Variants in ADGRL2 observed in about 807,000 individuals in gnomAD.
ADGRL2 encodes the protein adhesion G protein-coupled receptor L2.
Under a neutral mutation model 157.4 loss-of-function variants are expected in ADGRL2, and 44 were observed. That is an observed-to-expected ratio of 0.28 (90% CI 0.22 to 0.36). The LOEUF (loss-of-function observed/expected upper bound fraction) is 0.36, where lower values mean the gene tolerates loss of function less well. Among genes scored for constraint, ADGRL2 ranks in the 10% least tolerant of loss-of-function variants. ADGRL2 has a pLI of 1.00. For missense variants in ADGRL2, 1,510 were observed against 1,768.9 expected, an observed-to-expected ratio of 0.85 and a Z score of 2.63; for synonymous variants, 585 against 624.7, an observed-to-expected ratio of 0.94 and a Z score of 0.95.
At chr1:81,923,992 C>T (rs1015121148) in intron 3 of ADGRL2, among the ~76,000 whole-genome samples, 2 of 152,152 alleles carry the variant, frequency 1.3e-5, no homozygotes, top group African/African-American at 4.8e-5. Flanking sequence ...TGCCATAAAG[C>T]AGAATGTGAT....
At chr1:81,877,691 A>G (rs2151141451) in intron 2 of ADGRL2, among the ~76,000 whole-genome samples, 1 of 97,512 alleles carries the variant, frequency 1.0e-5, no homozygotes, top group East Asian at 3.1e-4. Context: ...TGTTTGCTTT[A>G]AGAACCTTGC....
At chr1:81,523,002 G>T (rs909162045) in intron 2 of ADGRL2, among the ~76,000 whole-genome samples, 1 of 151,946 alleles carries the variant, frequency 6.6e-6, no homozygotes, top group African/African-American at 2.4e-5. Context: ...AGTGGTTGAG[G>T]CTACAATTAA....
chr1:81,970,458 G>T lies in ADGRL2; in HGVS notation c.2878G>T (p.Ala960Ser). 1.9e-6 allele frequency: 3 copies of T among 1,567,146 alleles called. No individual in the cohort carries two copies. Among genetic ancestry groups the T allele is most frequent in the African/African-American group, 1.4e-5 (1 of 71,944 alleles). Reference sequence around the variant, plus strand: ...TTCAAGGAAAAAATATTACTATGTTGCTGGTTACTTGTTTCCTGCCACAGT... The same window carrying T: ...TTCAAGGAAAAAATATTACTATGTTTCTGGTTACTTGTTTCCTGCCACAGT... ...EYSRKKYYYV[A>S]GYLFPATVVG... The change falls in exon 16 of 24, where the codon GCT (alanine) becomes TCT (serine). Residue 960 changes from alanine to serine, a missense_variant. Transcript: ENST00000686636.
intron 11 of ADGRL2, 37 bp downstream of exon 11, chr1:81,956,097 G>C (rs761231143): frequency 6.9e-7 from 1 of 1,459,476 alleles, no homozygotes; most frequent in Non-Finnish European, 9.3e-7. Context: ...TTTTGATTTA[G>C]GATATTCATA....
intron 3 of ADGRL2, among the ~76,000 whole-genome samples, chr1:81,583,214 G>A (rs1242816512): frequency 6.6e-6 from 1 of 151,990 alleles, no homozygotes; most frequent in Non-Finnish European, 1.5e-5. Flanking sequence ...AATTTGGTTT[G>A]GCAATAAATT....
At chr1:81,978,746 T>C (rs1054265295) in intron 17 of ADGRL2, among the ~76,000 whole-genome samples, 3 of 151,758 alleles carry the variant, frequency 2.0e-5, no homozygotes, top group Non-Finnish European at 3.0e-5. Context: ...TACCATTTGA[T>C]CATGTGATAT....
intron 3 of ADGRL2, among the ~76,000 whole-genome samples, chr1:81,934,647 A>AG (rs1274540031): frequency 6.6e-6 from 1 of 151,940 alleles, no homozygotes; most frequent in East Asian, 1.9e-4. Context: ...GCCTTTTGTG[A>AG]GAAGGGAAGG....
intron 1 of ADGRL2, among the ~76,000 whole-genome samples, chr1:81,758,651 C>T (rs1444459816): frequency 1.3e-5 from 2 of 152,142 alleles, no homozygotes; most frequent in Non-Finnish European, 2.9e-5. Context: ...GTTCTATCAC[C>T]TTTTCTACAA....
chr1:81,516,467 C>T (rs1254987080), intron 2 of ADGRL2, among the ~76,000 whole-genome samples: 2 of 152,198 alleles, frequency 1.3e-5, no homozygotes, highest in Admixed American at 1.3e-4. Context: ...ACACCCCCAT[C>T]ACTCCTGCAA....
At chr1:81,417,716 G>A (rs1020649463) in intron 1 of ADGRL2, among the ~76,000 whole-genome samples, 1 of 152,054 alleles carries the variant, frequency 6.6e-6, no homozygotes, top group African/African-American at 2.4e-5. Flanking sequence ...TCGAAACTTG[G>A]TTTTCTTGCT....
At chr1:81,756,341 T>C (rs572635426) in intron 1 of ADGRL2, among the ~76,000 whole-genome samples, 1 of 152,102 alleles carries the variant, frequency 6.6e-6, no homozygotes, top group South Asian at 2.1e-4. Context: ...CATTCATTCA[T>C]TATTCACTGA....
intron 2 of ADGRL2, among the ~76,000 whole-genome samples, chr1:81,452,265 A>T (rs2077715985): frequency 1.3e-5 from 2 of 152,208 alleles, no homozygotes; most frequent in Admixed American, 1.3e-4. Context: ...TATTAAAAAT[A>T]ATGTTTGATT....
chr1:81,906,374 T>C (rs2094584787), intron 2 of ADGRL2, among the ~76,000 whole-genome samples: 1 of 152,188 alleles, frequency 6.6e-6, no homozygotes, highest in African/African-American at 2.4e-5. Flanking sequence ...GAAAAGATCA[T>C]GTTCAGGTCT....
chr1:81,899,520 C>G (rs2094451765), intron 2 of ADGRL2, among the ~76,000 whole-genome samples: 1 of 152,100 alleles, frequency 6.6e-6, no homozygotes, highest in Admixed American at 6.6e-5. Flanking sequence ...TTTTCAAAAT[C>G]ATTTGTTCAG....
chr1:81,868,119 T>C (rs563912953), intron 2 of ADGRL2, among the ~76,000 whole-genome samples: 39 of 151,640 alleles, frequency 2.6e-4, no homozygotes, highest in Admixed American at 9.2e-4. Flanking sequence ...TCCTTTTACA[T>C]TGAAGAGGTT....
intron 1 of ADGRL2, among the ~76,000 whole-genome samples, chr1:81,392,503 A>C (rs141174717): frequency 3.3e-5 from 5 of 152,146 alleles, no homozygotes; most frequent in African/African-American, 1.2e-4. Context: ...GGAAGAAAAA[A>C]AAATTATCTA....
intron 1 of ADGRL2, among the ~76,000 whole-genome samples, chr1:81,391,944 G>A (rs2076567245): frequency 6.6e-6 from 1 of 152,060 alleles, no homozygotes; most frequent in Admixed American, 6.6e-5. Context: ...TGCTTTATGT[G>A]TATCATCATA....
chr1:81,427,671 C>A, intron 1 of ADGRL2: 1 of 496,436 alleles, frequency 2.0e-6, no homozygotes, highest in Non-Finnish European at 3.7e-6. Flanking sequence ...GTTAGGAAAG[C>A]TGGAGGTTAC....
chr1:81,695,224 A>C (rs2083419104), upstream of ADGRL2, among the ~76,000 whole-genome samples: 1 of 151,960 alleles, frequency 6.6e-6, no homozygotes, highest in Non-Finnish European at 1.5e-5. Context: ...CCTACCAAAA[A>C]TAATCTTAGG....
Sources: gnomAD v4.1 joint callset for allele counts (sites outside exome capture counted in the v4.1 genomes callset) on GRCh38, gnomAD v4.1.1 for gene constraint, MANE v1.5 for transcripts, NCBI Gene and HGNC (gene_info 2026-07-23, HGNC 2026-07-21) for gene names.